WDFY4: variants seen among roughly 807,000 people sequenced by gnomAD.
The protein encoded by WDFY4 is WD repeat- and FYVE domain-containing protein 4.
Under a neutral mutation model 351.9 loss-of-function variants are expected in WDFY4, and 169 were observed. The ratio of observed to expected loss-of-function variants is 0.48; its 90% CI spans 0.42 to 0.55. WDFY4 has a LOEUF of 0.55. Ranked by LOEUF, WDFY4 falls within the 20% of genes least tolerant of loss-of-function variation. WDFY4 has a pLI of 0.00. For missense variants in WDFY4, 3,803 were observed against 3,935.6 expected (o/e 0.97, Z 0.90); for synonymous variants, 1,622 against 1,574.6 (o/e 1.03, Z -0.71).
chr10:48,875,476 A>G (rs2069961164), intron 42 of WDFY4, among the ~76,000 whole-genome samples: 1 of 152,224 alleles, frequency 6.6e-6, no homozygotes, highest in African/African-American at 2.4e-5. Flanking sequence ...GTGCAGTGGC[A>G]TAATCACAAC....
chr10:48,912,348 C>T (rs1239807511), intron 47 of WDFY4, among the ~76,000 whole-genome samples: 1 of 152,204 alleles, frequency 6.6e-6, no homozygotes, highest in East Asian at 1.9e-4. Context: ...TTCAGTGTGG[C>T]ATTATTCCCA....
At chr10:48,894,121 A>C (rs1371900396) in intron 44 of WDFY4, among the ~76,000 whole-genome samples, 1 of 152,220 alleles carries the variant, frequency 6.6e-6, no homozygotes, top group Non-Finnish European at 1.5e-5. Context: ...AATGTACATA[A>C]TTTAGCTTTT....
intron 8 of WDFY4, among the ~76,000 whole-genome samples, chr10:48,730,599 C>T (rs1199197412): frequency 1.3e-5 from 2 of 152,168 alleles, no homozygotes; most frequent in African/African-American, 4.8e-5. Context: ...TAGTAATCTC[C>T]AACATCATTT....
intron 35 of WDFY4, 83 bp downstream of exon 35, chr10:48,822,620 T>G (rs1022988792): frequency 7.3e-7 from 1 of 1,362,332 alleles, no homozygotes; most frequent in Non-Finnish European, 9.5e-7. Flanking sequence ...CCACTGGATC[T>G]GCCCTCCCTC....
intron 12 of WDFY4, among the ~76,000 whole-genome samples, chr10:48,754,769 A>C (rs1384518770): frequency 6.6e-6 from 1 of 152,146 alleles, no homozygotes; most frequent in African/African-American, 2.4e-5. Context: ...GTATTTGCTC[A>C]GTTGATTTGA....
intron 11 of WDFY4, among the ~76,000 whole-genome samples, chr10:48,742,534 A>G (rs992673106): frequency 6.6e-6 from 1 of 152,220 alleles, no homozygotes; most frequent in African/African-American, 2.4e-5. Flanking sequence ...TGTGTTCCAC[A>G]GTAGTAAGGA....
intron 1 of WDFY4, among the ~76,000 whole-genome samples, chr10:48,706,499 G>A (rs2063631971): frequency 6.6e-6 from 1 of 152,112 alleles, no homozygotes; most frequent in Admixed American, 6.5e-5. Context: ...AAACAACAGA[G>A]ATGCACTTGC....
intron 19 of WDFY4, among the ~76,000 whole-genome samples, 191 bp from the exon 20 acceptor site, chr10:48,786,448 T>A (rs570348424): frequency 6.6e-6 from 1 of 152,206 alleles, no homozygotes; most frequent in African/African-American, 2.4e-5. Context: ...ACAGTATCAG[T>A]TTTTTACTCC....
intron 24 of WDFY4, among the ~76,000 whole-genome samples, chr10:48,798,205 G>T (rs142410254): frequency 3.9e-5 from 6 of 151,970 alleles, no homozygotes; most frequent in African/African-American, 1.5e-4. Flanking sequence ...ATCAAGATTC[G>T]GTTCAACGTC....
chr10:48,855,891 ATC>A (rs2069115528), intron 39 of WDFY4, among the ~76,000 whole-genome samples: 1 of 152,080 alleles, frequency 6.6e-6, no homozygotes, highest in Admixed American at 6.5e-5. Context: ...ATTGTTGTTA[ATC>A]TCTTTCTGTG....
rs149672726 is a variant in WDFY4 at position 48,885,010 on chromosome 10, AAATG to A, written c.7168-5562_7168-5559del. 8.5e-3 allele frequency among the ~76,000 whole-genome samples: 1,297 copies of A among 152,374 alleles called. 20 individuals carry two copies. The highest frequency in any genetic ancestry group is 0.03 in the African/African-American group (1,234 of 41,590). ...AACATTTAATATGTACCTGTTAAAT[AAATG>A]AATGAACAAATAGATGAGTGAATTA... On this transcript the variant is annotated intron_variant, in intron 43 of 61. Transcript: ENST00000325239.
At chr10:48,956,888 A>T (rs1296438303) in intron 51 of WDFY4, among the ~76,000 whole-genome samples, 1 of 152,202 alleles carries the variant, frequency 6.6e-6, no homozygotes, top group Non-Finnish European at 1.5e-5. Flanking sequence ...ACATGGATTG[A>T]TTAACACGGA....
Position 48,969,049 on chromosome 10 carries a change from C to T in WDFY4, c.8585-15C>T. On this transcript the variant is annotated splice_polypyrimidine_tract_variant and intron_variant, in intron 55 of 61. Transcript: ENST00000325239. ...TTCTTCCATGCATAAGTTCGCCATA[C>T]TAACTGGGGTGTAGATATGTACCTC... 6.5e-7 allele frequency: 1 copy of T among 1,548,656 alleles called. No homozygotes were observed. Among genetic ancestry groups the T allele is most frequent in the South Asian group, 1.2e-5 (1 of 84,002 alleles).
chr10:48,713,468 C>A (rs1248026533), intron 2 of WDFY4, among the ~76,000 whole-genome samples: 1 of 152,232 alleles, frequency 6.6e-6, no homozygotes, highest in Non-Finnish European at 1.5e-5. Flanking sequence ...TAGGCAAGTA[C>A]AAAGGTGGGC....
chr10:48,807,188 T>C (rs897179074), intron 27 of WDFY4, among the ~76,000 whole-genome samples: 1 of 152,206 alleles, frequency 6.6e-6, no homozygotes, highest in African/African-American at 2.4e-5. Flanking sequence ...TGTATTGGTG[T>C]GAAATTGCTG....
Position 48,882,347 on chromosome 10 carries a change from C to T in WDFY4, c.7167+5148C>T, listed in dbSNP as rs146719873. Among the ~76,000 whole-genome samples the T allele has an allele frequency of 1.1e-3, 175 of 152,336 alleles. 1 individual carries two copies. In the East Asian group the frequency reaches 0.025, roughly 22 times the overall value. ...AAAGTGCATAGGCTGGTTTGAGAAC[C>T]TCATTCTGCTATTTGTTTGTTGCTA... On this transcript the variant is annotated intron_variant, in intron 43 of 61. Transcript: ENST00000325239.
chr10:48,773,393 G>A (rs1285046837), intron 13 of WDFY4, among the ~76,000 whole-genome samples: 3 of 152,226 alleles, frequency 2.0e-5, no homozygotes, highest in South Asian at 2.1e-4. Context: ...AAAAGAGAAT[G>A]TGGACAGTCC....
chr10:48,733,865 G>A (rs2064553797), intron 9 of WDFY4, 66 bp from the exon 10 acceptor site: 1 of 1,395,586 alleles, frequency 7.2e-7, no homozygotes, highest in South Asian at 1.2e-5. Context: ...GAAAGCTGGA[G>A]TCAGAGATTT....
chr10:48,966,625 T>C lies in WDFY4; in HGVS notation c.8536T>C (p.Phe2846Leu), dbSNP rs1314459578. Reference protein sequence around the residue: ...PVSLPGHPQPFFYSLQSLRPS... With the variant: ...PVSLPGHPQPLFYSLQSLRPS... Reference sequence around the variant, plus strand: ...GAGCCTGCCTGGCCACCCACAGCCCTTTTTCTACAGCCTGCAGTCGCTGAG... The same window carrying C: ...GAGCCTGCCTGGCCACCCACAGCCCCTTTTCTACAGCCTGCAGTCGCTGAG... Residue 2846 changes from phenylalanine (F) to leucine (L), a missense_variant, in exon 55 of 62, where the codon TTT becomes CTT. Physicochemically the swap from Phe to Leu is conservative, Grantham distance 22 (BLOSUM62 0). Coordinates refer to ENST00000325239, the MANE Select transcript of WDFY4 (RefSeq NM_001394531.1). The C allele has an allele frequency of 1.3e-6, 2 of 1,551,736 alleles. 1 individual carries two copies. Among genetic ancestry groups the C allele is most frequent in the South Asian group, 2.4e-5 (2 of 84,020 alleles).
Sources: gnomAD v4.1 joint callset for allele counts (sites outside exome capture counted in the v4.1 genomes callset) on GRCh38, gnomAD v4.1.1 for gene constraint, MANE v1.5 for transcripts, NCBI Gene and HGNC (gene_info 2026-07-23, HGNC 2026-07-21) for gene names.